HSD17B2: variants seen among roughly 807,000 people sequenced by gnomAD.
The protein encoded by HSD17B2 is 17-beta-hydroxysteroid dehydrogenase type 2.
In HSD17B2, 32 loss-of-function variants were observed where a neutral mutation model predicts 26.9. That is an observed-to-expected ratio of 1.19 (90% CI 0.90 to 1.60). The LOEUF (loss-of-function observed/expected upper bound fraction) is 1.60, where lower values mean the gene tolerates loss of function less well. HSD17B2 is among the 40% of genes most tolerant of loss of function. The probability of loss-of-function intolerance (pLI) is 0.00; values close to 1 mark genes in which losing one functional copy is unlikely to be tolerated. For missense variants in HSD17B2, 613 were observed against 468.6 expected (o/e 1.31, Z -2.85); for synonymous variants, 246 against 186.7 (o/e 1.32, Z -2.59).
intron 1 of HSD17B2, among the ~76,000 whole-genome samples, chr16:82,037,079 G>C (rs773256927): frequency 4.2e-4 from 64 of 152,302 alleles, no homozygotes; most frequent in Non-Finnish European, 2.1e-4. Flanking sequence ...AACTCAGTGA[G>C]CCCACATCAG....
intron 3 of HSD17B2, among the ~76,000 whole-genome samples, chr16:82,081,537 G>A (rs1168205564): frequency 6.6e-6 from 1 of 152,134 alleles, no homozygotes; most frequent in Non-Finnish European, 1.5e-5. Flanking sequence ...AGGTCCTATA[G>A]CCTCTCTAAG....
At chr16:82,067,672 T>C (rs892203044) in intron 1 of HSD17B2, among the ~76,000 whole-genome samples, 2 of 152,356 alleles carry the variant, frequency 1.3e-5, no homozygotes, top group African/African-American at 4.8e-5. Context: ...ATGAACTTTT[T>C]ATAATCCAGC....
intron 1 of HSD17B2, chr16:82,044,213 G>A (rs1431795779): frequency 6.6e-6 from 1 of 152,188 alleles, no homozygotes; most frequent in African/African-American, 2.4e-5. Context: ...ACTAAATGAG[G>A]TGAAATTAAA....
intron 3 of HSD17B2, among the ~76,000 whole-genome samples, chr16:82,082,600 C>T (rs1373328636): frequency 6.6e-6 from 1 of 152,086 alleles, no homozygotes; most frequent in Non-Finnish European, 1.5e-5. Context: ...TTGGGAAAGT[C>T]ACTTAAACCC....
intron 1 of HSD17B2, among the ~76,000 whole-genome samples, chr16:82,060,001 C>T (rs998221238): frequency 6.6e-6 from 1 of 152,168 alleles, no homozygotes; most frequent in Middle Eastern, 3.2e-3. Context: ...ATGCTGAGGG[C>T]AAAGGAGGAG....
chr16:82,064,333 T>C (rs945751866), intron 1 of HSD17B2, among the ~76,000 whole-genome samples: 1 of 152,258 alleles, frequency 6.6e-6, no homozygotes. Flanking sequence ...GTAGCAAGCA[T>C]AGAAACTTCA....
intron 3 of HSD17B2, among the ~76,000 whole-genome samples, chr16:82,087,853 G>T (rs535522467): frequency 6.6e-6 from 1 of 152,056 alleles, no homozygotes; most frequent in African/African-American, 2.4e-5. Context: ...GAAAGAGAGC[G>T]AAAGGGGGCC....
At chr16:82,077,699 C>G (rs954650815) in intron 3 of HSD17B2, among the ~76,000 whole-genome samples, 18 of 150,628 alleles carry the variant, frequency 1.2e-4, no homozygotes, top group Admixed American at 2.0e-4. Context: ...CCATTGCACT[C>G]CAGCCTGGAT....
At position 82,035,409 on chromosome 16, in the gene HSD17B2, C is replaced by T. The variant is rs1436595909; in HGVS notation, c.-16C>T. ...CACTGGCCCTGAGCACTTGAAGGTG[C>T]AGCAAGTCACTGAGAATGAGCACTT... On this transcript the variant is annotated 5_prime_UTR_variant, in exon 1 of 5. Transcript: ENST00000199936. 6 of 1,604,308 alleles carry T rather than the reference C, an allele frequency of 3.7e-6. No individual in the cohort carries two copies. Among genetic ancestry groups the T allele is most frequent in the South Asian group, 1.1e-5 (1 of 90,214 alleles).
intron 3 of HSD17B2, among the ~76,000 whole-genome samples, chr16:82,087,508 T>C (rs779321470): frequency 1.3e-5 from 2 of 152,194 alleles, no homozygotes; most frequent in Non-Finnish European, 2.9e-5. Flanking sequence ...ATTTCATAGG[T>C]AAGACATGGT....
intron 4 of HSD17B2, chr16:82,092,455 T>C (rs1157538618): frequency 6.6e-6 from 1 of 152,182 alleles, no homozygotes; most frequent in Admixed American, 6.5e-5. Context: ...GAGGTATTGC[T>C]AAATGCACGA....
chr16:82,044,260 G>T (rs1913850677), intron 1 of HSD17B2: 2 of 152,212 alleles, frequency 1.3e-5, no homozygotes, highest in African/African-American at 4.8e-5. Context: ...ACATGCTGTT[G>T]CTTTGTTTGG....
At chr16:82,092,354 G>A (rs993626306) in intron 4 of HSD17B2, 2 of 152,082 alleles carry the variant, frequency 1.3e-5, no homozygotes, top group South Asian at 2.1e-4. Context: ...CCTACCCCAA[G>A]GCTCAGTCTT....
intron 3 of HSD17B2, among the ~76,000 whole-genome samples, chr16:82,087,072 G>A (rs1358156583): frequency 6.6e-6 from 1 of 152,128 alleles, no homozygotes; most frequent in Non-Finnish European, 1.5e-5. Context: ...GCTATCTTGA[G>A]GATTAGGGCT....
At chr16:82,039,353 GA>G (rs1913708885) in intron 1 of HSD17B2, among the ~76,000 whole-genome samples, 2 of 145,804 alleles carry the variant, frequency 1.4e-5, no homozygotes, top group South Asian at 2.2e-4. Flanking sequence ...GAGAGAGAGG[GA>G]GAGAGAGAGA....
chr16:82,073,249 G>A (rs1246172315), intron 3 of HSD17B2, among the ~76,000 whole-genome samples: 1 of 151,002 alleles, frequency 6.6e-6, no homozygotes, highest in Admixed American at 6.6e-5. Context: ...TTTTGAGATG[G>A]AGTCTCACTC....
chr16:82,090,362 G>T, intron 3 of HSD17B2: 1 of 172,866 alleles, frequency 5.8e-6, no homozygotes, highest in South Asian at 2.1e-4. Flanking sequence ...TCTTTCGAAA[G>T]GCTGGAGTGC....
At chr16:82,084,322 T>C (rs887726444) in intron 3 of HSD17B2, among the ~76,000 whole-genome samples, 1 of 152,064 alleles carries the variant, frequency 6.6e-6, no homozygotes, top group Non-Finnish European at 1.5e-5. Context: ...CACTAGATAA[T>C]AGTAGCACCC....
In HSD17B2 at chr16:82,083,651, T is replaced by G. The variant is rs139398889; in HGVS notation, c.665-7251T>G. ...CTGGGGCAGCAGCTGACAGTCTGTA[T>G]GCTTGCAGCTTCTTAATCTGCCAGC... is the stretch of plus-strand genomic sequence containing the variant. On this transcript the variant is annotated intron_variant, in intron 3 of 4. Transcript: ENST00000199936. Among the ~76,000 whole-genome samples, 1,035 of 152,294 alleles carry G rather than the reference T, an allele frequency of 6.8e-3. 17 individuals carry two copies. Among genetic ancestry groups the G allele is most frequent in the African/African-American group, 0.023 (947 of 41,552 alleles).
Sources: gnomAD v4.1 joint callset for allele counts (sites outside exome capture counted in the v4.1 genomes callset) on GRCh38, gnomAD v4.1.1 for gene constraint, MANE v1.5 for transcripts, NCBI Gene and HGNC (gene_info 2026-07-23, HGNC 2026-07-21) for gene names.